Variants in CCSER1 observed in about 807,000 individuals in gnomAD.
The protein encoded by CCSER1 is serine-rich coiled-coil domain-containing protein 1.
CCSER1 carries 41 observed loss-of-function variants against 82.0 expected under a neutral mutation model. That is an observed-to-expected ratio of 0.50 (90% CI 0.39 to 0.65). The LOEUF is 0.65. Among genes scored for constraint, CCSER1 ranks in the 30% least tolerant of loss-of-function variants. CCSER1 has a pLI of 0.00. For synonymous variants in CCSER1, 414 were observed against 383.9 expected (o/e 1.08, Z -0.92); for missense variants, 1,119 against 1,064.2 (o/e 1.05, Z -0.72).
chr4:90,589,987 T>C (rs2148682969), intron 5 of CCSER1, among the ~76,000 whole-genome samples: 1 of 152,304 alleles, frequency 6.6e-6, no homozygotes, highest in East Asian at 1.9e-4. Flanking sequence ...AAACACTTAA[T>C]TTTAGGCTGG....
intron 9 of CCSER1, chr4:90,938,758 A>T (rs759984144): frequency 1.2e-5 from 4 of 328,770 alleles, no homozygotes; most frequent in Non-Finnish European, 2.5e-5. Context: ...TCTGACAATA[A>T]GAAATGCATC....
At chr4:90,134,179 T>C (rs530852892) in intron 1 of CCSER1, among the ~76,000 whole-genome samples, 2 of 152,232 alleles carry the variant, frequency 1.3e-5, no homozygotes, top group Non-Finnish European at 2.9e-5. Flanking sequence ...GTCTCTGTTC[T>C]ATGGTCTGCT....
intron 1 of CCSER1, among the ~76,000 whole-genome samples, chr4:90,181,109 A>G (rs1733656673): frequency 6.6e-6 from 1 of 152,264 alleles, no homozygotes; most frequent in Non-Finnish European, 1.5e-5. Context: ...CTGTTTGGGT[A>G]CTGTGCCCAT....
chr4:90,252,884 C>T (rs1722648904), intron 1 of CCSER1, among the ~76,000 whole-genome samples: 1 of 151,472 alleles, frequency 6.6e-6, no homozygotes, highest in Admixed American at 6.6e-5. Flanking sequence ...TTTTTGCATT[C>T]CTGTCATTTT....
intron 10 of CCSER1, among the ~76,000 whole-genome samples, chr4:91,452,737 T>TA (rs1336750510): frequency 6.6e-6 from 1 of 152,044 alleles, no homozygotes; most frequent in Admixed American, 6.6e-5. Context: ...GTAAAGCTAA[T>TA]AAAGACTGGA....
At chr4:91,302,443 T>C (rs1399706462) in intron 10 of CCSER1, among the ~76,000 whole-genome samples, 1 of 151,862 alleles carries the variant, frequency 6.6e-6, no homozygotes, top group Admixed American at 6.6e-5. Flanking sequence ...GGCAAAACCA[T>C]TTTTTTTCTA....
intron 6 of CCSER1, among the ~76,000 whole-genome samples, chr4:90,708,843 A>C (rs1739936597): frequency 6.6e-6 from 1 of 152,152 alleles, no homozygotes; most frequent in African/African-American, 2.4e-5. Flanking sequence ...TATCCTGATC[A>C]ATTTCTCTTT....
chr4:90,738,876 G>C (rs1266259792), intron 7 of CCSER1, among the ~76,000 whole-genome samples: 3 of 152,186 alleles, frequency 2.0e-5, no homozygotes, highest in Admixed American at 6.5e-5. Flanking sequence ...GTGGGCTCCT[G>C]TCTGGCCCAG....
At chr4:90,483,516 G>A (rs995302376) in intron 5 of CCSER1, among the ~76,000 whole-genome samples, 1 of 152,174 alleles carries the variant, frequency 6.6e-6, no homozygotes, top group Non-Finnish European at 1.5e-5. Context: ...GGTACCGGTT[G>A]TTCCTTTCCA....
rs566596080 is a variant in CCSER1, at chr4:90,552,195, G to C, written c.1725-75830G>C. ...AAGTTTCAACACCTGAATTTTGTAG[G>C]GGACACATTGAAATCATAGCACCAT... On this transcript the variant is annotated intron_variant, in intron 5 of 10. Coordinates refer to ENST00000509176, the MANE Select transcript of CCSER1 (RefSeq NM_001145065.2). Among the ~76,000 whole-genome samples the C allele has an allele frequency of 1.1e-4, 17 of 152,164 alleles. No homozygotes were observed. The South Asian group carries it at 3.3e-3, about 30-fold the overall frequency.
chr4:90,431,048 A>C (rs1182814023), intron 4 of CCSER1, among the ~76,000 whole-genome samples: 7 of 152,018 alleles, frequency 4.6e-5, no homozygotes, highest in Non-Finnish European at 1.0e-4. Flanking sequence ...TGGTTTTGTT[A>C]AGGTGATTGA....
chr4:90,374,004 A>G (rs1356315863), intron 3 of CCSER1, among the ~76,000 whole-genome samples: 2 of 152,194 alleles, frequency 1.3e-5, no homozygotes, highest in Non-Finnish European at 2.9e-5. Flanking sequence ...TGTGACTAAT[A>G]AAGTCCTTTT....
At chr4:90,292,703 A>T (rs1731144115) in intron 1 of CCSER1, among the ~76,000 whole-genome samples, 1 of 151,940 alleles carries the variant, frequency 6.6e-6, no homozygotes. Flanking sequence ...GTTTGTGGAT[A>T]TACTCATATT....
chr4:91,147,111 C>A (rs530762749), intron 10 of CCSER1, among the ~76,000 whole-genome samples: 175 of 152,280 alleles, frequency 1.1e-3, no homozygotes, highest in Middle Eastern at 6.8e-3. Context: ...TCCACTGGTC[C>A]TTTGAGCTTG....
chr4:90,570,602 T>C (rs1779998414), intron 5 of CCSER1, among the ~76,000 whole-genome samples: 1 of 151,784 alleles, frequency 6.6e-6, no homozygotes, highest in Non-Finnish European at 1.5e-5. Flanking sequence ...AGAGAGGGGG[T>C]GAATGCAGCC....
Position 91,359,531 on chromosome 4 carries a change from TAATTTTCATTTTTAGGTAA to T in CCSER1, c.2218-239039_2218-239021del, listed in dbSNP as rs1450801829. 1.3e-5 allele frequency among the ~76,000 whole-genome samples: 2 copies of T among 151,926 alleles called. 1 individual carries two copies. The highest frequency in any genetic ancestry group is 2.9e-5 in the Non-Finnish European group (2 of 67,894). ...AACATAATGTTATTTTAGAGTAGTT[TAATTTTCATTTTTAGGTAA>T]ATTCAAACTAGCTTGTGAGGTATTG... On this transcript the variant is annotated intron_variant, in intron 10 of 10. Coordinates refer to ENST00000509176, the MANE Select transcript of CCSER1 (RefSeq NM_001145065.2).
chr4:90,908,447 A>G (rs1359132573), intron 8 of CCSER1, among the ~76,000 whole-genome samples: 1 of 152,152 alleles, frequency 6.6e-6, no homozygotes, highest in Non-Finnish European at 1.5e-5. Flanking sequence ...GGCTGGCTGT[A>G]CATCATGGTA....
chr4:90,998,181 A>C (rs755366373), intron 9 of CCSER1, among the ~76,000 whole-genome samples: 16 of 152,056 alleles, frequency 1.1e-4, no homozygotes, highest in Admixed American at 2.6e-4. Context: ...CCCGAGTTCA[A>C]GCAATTCTCT....
chr4:91,294,982 A>G (rs1744045715), intron 10 of CCSER1, among the ~76,000 whole-genome samples: 1 of 151,940 alleles, frequency 6.6e-6, no homozygotes. Context: ...ACTCCAACTC[A>G]ATAACAACAA....
Sources: allele counts gnomAD v4.1 joint callset (sites outside exome capture counted in the v4.1 genomes callset), GRCh38; gene constraint gnomAD v4.1.1; transcripts MANE v1.5; gene names NCBI Gene and HGNC (gene_info 2026-07-23, HGNC 2026-07-21).